PTPRQ: variants seen among roughly 807,000 people sequenced by gnomAD.
PTPRQ encodes the protein protein tyrosine phosphatase receptor type Q.
In PTPRQ, 199 loss-of-function variants were observed where a neutral mutation model predicts 246.0. That is an observed-to-expected ratio of 0.81 (90% confidence interval 0.72 to 0.91). The LOEUF is 0.91. PTPRQ is among the 40% of genes least tolerant of loss of function. The pLI, the probability that PTPRQ is intolerant of heterozygous loss-of-function variation, is 0.00. For missense variants in PTPRQ, 2,624 were observed against 2,528.4 expected, an observed-to-expected ratio of 1.04 and a Z score of -0.81; for synonymous variants, 869 against 853.2, an observed-to-expected ratio of 1.02 and a Z score of -0.32.
chr12:80,495,925 C>T (rs532043341), intron 12 of PTPRQ, 74 bp from the exon 13 acceptor site: 3 of 1,472,122 alleles, frequency 2.0e-6, no homozygotes, highest in Admixed American at 5.3e-5. Flanking sequence ...TTCTTACTGG[C>T]CTTATATTAA....
At chr12:80,567,028 G>C (rs1896999660) in intron 25 of PTPRQ, among the ~76,000 whole-genome samples, 1 of 152,140 alleles carries the variant, frequency 6.6e-6, no homozygotes, top group Non-Finnish European at 1.5e-5. Flanking sequence ...AGTTGTGTGT[G>C]CACCTTAAAA....
chr12:80,630,112 C>T (rs1383625579), intron 33 of PTPRQ, among the ~76,000 whole-genome samples: 1 of 152,082 alleles, frequency 6.6e-6, no homozygotes, highest in Non-Finnish European at 1.5e-5. Context: ...TATACGTTTT[C>T]AAATCAGTCT....
At chr12:80,637,993 C>T (rs891958754) in intron 35 of PTPRQ, among the ~76,000 whole-genome samples, 37 of 152,100 alleles carry the variant, frequency 2.4e-4, no homozygotes, top group African/African-American at 8.9e-4. Flanking sequence ...ATAGGCTGGG[C>T]ATAGTGGCTC....
At chr12:80,622,681 C>T (rs550374633) in intron 33 of PTPRQ, among the ~76,000 whole-genome samples, 2 of 152,094 alleles carry the variant, frequency 1.3e-5, no homozygotes, top group Middle Eastern at 6.8e-3. Context: ...AACAGGATTT[C>T]ATAACATTAC....
At chr12:80,605,522 G>T in intron 27 of PTPRQ, among the ~76,000 whole-genome samples, 1 of 151,058 alleles carries the variant, frequency 6.6e-6, no homozygotes, top group Non-Finnish European at 1.5e-5. Flanking sequence ...TGGTTAAATT[G>T]GTAGTAATAC....
At position 80,503,023 on chromosome 12, in the gene PTPRQ, G is replaced by T. The variant is rs552805634; in HGVS notation, c.2273-3001G>T. On this transcript the variant is annotated intron_variant, in intron 14 of 44. Transcript: ENST00000644991. ...ATTACCAGTTGTCTGTCTTAAAGAG[G>T]GGTAGCACGTGATGGTATCTAATGG... Among the ~76,000 whole-genome samples, 6 of 151,824 alleles carry T rather than the reference G, an allele frequency of 4.0e-5. No individual in the cohort carries two copies. The South Asian group carries it at 1.2e-3, about 31-fold the overall frequency.
chr12:80,590,828 A>G (rs575582702), intron 26 of PTPRQ, among the ~76,000 whole-genome samples: 2 of 152,084 alleles, frequency 1.3e-5, no homozygotes, highest in East Asian at 3.9e-4. Context: ...ATTGTCTTCC[A>G]CTCATACTAG....
intron 30 of PTPRQ, among the ~76,000 whole-genome samples, chr12:80,618,094 AC>A (rs377360767): frequency 9.4e-4 from 143 of 151,436 alleles, no homozygotes; most frequent in African/African-American, 3.4e-3. Context: ...TTCTCTTAGT[AC>A]CCAAACTGAT....
rs779445990 is a variant in PTPRQ, at chr12:80,495,276, A to G, written c.1787A>G (p.Asn596Ser). The part of the protein sequence containing the change: ...LLYWDPPEYP[N>S]GKITHYTIYA... ...TATTGGGATCCTCCAGAATATCCCA[A>G]TGGAAAAATAACTCACTATACGATT... is the stretch of plus-strand genomic sequence containing the variant. The change falls in exon 12 of 45, where the codon AAT (asparagine) becomes AGT (serine). Residue 596 changes from asparagine to serine, a missense_variant. Asn to Ser is a conservative substitution (Grantham distance 46). Transcript: ENST00000644991. 14 of 1,546,660 alleles carry G rather than the reference A, an allele frequency of 9.1e-6. No homozygotes were observed. The East Asian group carries it at 1.7e-4, about 19-fold the overall frequency.
intron 25 of PTPRQ, 50 bp downstream of exon 25, chr12:80,549,784 G>A (rs1383675889): frequency 6.7e-7 from 1 of 1,487,194 alleles, no homozygotes. Flanking sequence ...ACTATTTGGG[G>A]ATTGTGTCAA....
In PTPRQ at chr12:80,546,614, A is replaced by T; in HGVS notation, c.3932A>T (p.Tyr1311Phe). The T allele has an allele frequency of 6.4e-7, 1 of 1,551,272 alleles. No individual in the cohort carries two copies. Among genetic ancestry groups the T allele is most frequent in the Non-Finnish European group, 8.7e-7 (1 of 1,146,824 alleles). ...KLVGLEPVST[Y>F]SIRVSAFTKV... Reference sequence around the variant, plus strand: ...GTTGGACTGGAACCAGTCAGCACCTACTCTATCCGTGTATCTGCGTTCACC... The same window carrying T: ...GTTGGACTGGAACCAGTCAGCACCTTCTCTATCCGTGTATCTGCGTTCACC... Residue 1311 changes from tyrosine (Y) to phenylalanine (F), a missense_variant, in exon 24 of 45, where the codon TAC (tyrosine) becomes TTC (phenylalanine). Tyr to Phe is a conservative substitution (Grantham distance 22, BLOSUM62 3). Coordinates refer to ENST00000644991, the MANE Select transcript of PTPRQ (RefSeq NM_001145026.2).
chr12:80,616,087 A>G (rs1429470421), intron 29 of PTPRQ, 113 bp from the exon 30 acceptor site: 1 of 535,214 alleles, frequency 1.9e-6, no homozygotes, highest in Non-Finnish European at 2.6e-6. Context: ...TTTTATATAT[A>G]TATATATAAC....
At chr12:80,633,458 T>G (rs1442951537) in intron 34 of PTPRQ, among the ~76,000 whole-genome samples, 2 of 152,204 alleles carry the variant, frequency 1.3e-5, no homozygotes, top group Non-Finnish European at 2.9e-5. Context: ...GTTGGAAATC[T>G]TACTTCTGAC....
At chr12:80,592,583 A>C (rs541889791) in intron 26 of PTPRQ, among the ~76,000 whole-genome samples, 106 of 152,302 alleles carry the variant, frequency 7.0e-4, no homozygotes, top group Non-Finnish European at 1.4e-3. Context: ...TAATCCTTTT[A>C]ATATTAAAAA....
At position 80,546,658 on chromosome 12, in the gene PTPRQ, C is replaced by A. The variant is rs1831675430; in HGVS notation, c.3976C>A (p.Gln1326Lys). ...GTTCACCAAAGTTGGAAATGGCAATCAATTTAGTAATGTAGTAAAATTCAC... is the reference window on the plus strand; with the variant it reads ...GTTCACCAAAGTTGGAAATGGCAATAAATTTAGTAATGTAGTAAAATTCAC... ...SAFTKVGNGN[Q>K]FSNVVKFTTQ... Residue 1326 changes from glutamine to lysine, a missense_variant, in exon 24 of 45, where the codon CAA (glutamine) becomes AAA (lysine). Coordinates refer to ENST00000644991, the MANE Select transcript of PTPRQ (RefSeq NM_001145026.2). 2 of 1,551,336 alleles carry A rather than the reference C, an allele frequency of 1.3e-6. No individual in the cohort carries two copies. Among genetic ancestry groups the A allele is most frequent in the Non-Finnish European group, 1.7e-6 (2 of 1,146,872 alleles).
chr12:80,609,506 T>A lies in PTPRQ; in HGVS notation c.4732-933T>A, dbSNP rs142430597. On this transcript the variant is annotated intron_variant, in intron 27 of 44. Coordinates refer to ENST00000644991, the MANE Select transcript of PTPRQ (RefSeq NM_001145026.2). Reference sequence around the variant, plus strand: ...ATTTTGAATTTTCTCATGGTTATCTTGGGAAAAGCCCTTCTACTTAGTGCT... The same window carrying A: ...ATTTTGAATTTTCTCATGGTTATCTAGGGAAAAGCCCTTCTACTTAGTGCT... Among the ~76,000 whole-genome samples the A allele has an allele frequency of 4.5e-3, 683 of 150,738 alleles. 4 individuals carry two copies. Among genetic ancestry groups the A allele is most frequent in the African/African-American group, 0.015 (625 of 41,410 alleles).
At chr12:80,489,057 T>C (rs1360797401) in intron 9 of PTPRQ, among the ~76,000 whole-genome samples, 2 of 152,046 alleles carry the variant, frequency 1.3e-5, no homozygotes, top group African/African-American at 4.8e-5. Flanking sequence ...CCTATAAGCT[T>C]TGAAGTATTC....
intron 41 of PTPRQ, 147 bp downstream of exon 41, chr12:80,669,611 T>G: frequency 1.7e-6 from 2 of 1,209,790 alleles, no homozygotes; most frequent in Non-Finnish European, 2.2e-6. Flanking sequence ...AACAGAATTT[T>G]GAATCGATAT....
rs1899015854 is a variant in PTPRQ at position 80,622,097 on chromosome 12, T to A, written c.5649T>A (p.Phe1883Leu). ...KFRATNIMGQFTDSDYSDPVK... is the reference protein window; with the variant it reads ...KFRATNIMGQLTDSDYSDPVK... ...GAGCTACAAATATTATGGGACAATT[T>A]ACTGACTCTGATTATTCTGACCCTG... Residue 1883 changes from phenylalanine (F) to leucine (L), a missense_variant, in exon 33 of 45, where the codon TTT (phenylalanine) becomes TTA (leucine). Transcript: ENST00000644991. The A allele has an allele frequency of 6.9e-7, 1 of 1,450,066 alleles. No homozygotes were observed. The highest frequency in any genetic ancestry group is 9.1e-7 in the Non-Finnish European group (1 of 1,098,172). The allele number at this position is 1,450,066 out of a possible 1,614,324, so 89.8% of individuals were successfully genotyped here.
Sources: allele counts gnomAD v4.1 joint callset (sites outside exome capture counted in the v4.1 genomes callset), GRCh38; gene constraint gnomAD v4.1.1; transcripts MANE v1.5; gene names NCBI Gene and HGNC (gene_info 2026-07-23, HGNC 2026-07-21).